Variants in GREB1 observed in about 807,000 individuals in gnomAD.
The protein encoded by GREB1 is growth regulating estrogen receptor binding 1, also known as protein GREB1.
A neutral mutation model predicts 200.7 loss-of-function variants in GREB1; 106 were observed. That is an observed-to-expected ratio of 0.53 (90% confidence interval 0.45 to 0.62). The LOEUF (loss-of-function observed/expected upper bound fraction) is 0.62. Among genes scored for constraint, GREB1 ranks in the 20% least tolerant of loss-of-function variants. The probability of loss-of-function intolerance (pLI) is 0.00; values close to 1 mark genes in which losing one functional copy is unlikely to be tolerated. For missense variants in GREB1, 2,243 were observed against 2,556.8 expected, an observed-to-expected ratio of 0.88 and a Z score of 2.65; for synonymous variants, 1,132 against 1,092.4, an observed-to-expected ratio of 1.04 and a Z score of -0.72.
At chr2:11,494,189 C>T (rs1672829742) in intron 1 of GREB1, among the ~76,000 whole-genome samples, 1 of 152,208 alleles carries the variant, frequency 6.6e-6, no homozygotes, top group Admixed American at 6.5e-5. Flanking sequence ...TGGACAGAGC[C>T]AGGGTGAGAA....
At chr2:11,559,838 C>T in intron 2 of GREB1, among the ~76,000 whole-genome samples, 1 of 152,316 alleles carries the variant, frequency 6.6e-6, no homozygotes, top group Non-Finnish European at 1.5e-5. Context: ...CCCCACCCCA[C>T]CTCTGGGTAA....
chr2:11,525,233 G>A (rs1031866924), intron 1 of GREB1, among the ~76,000 whole-genome samples: 1 of 152,148 alleles, frequency 6.6e-6, no homozygotes, highest in African/African-American at 2.4e-5. Flanking sequence ...GGCTGGGCAC[G>A]GTGGCTCACG....
At chr2:11,506,880 A>C (rs1293806300) in intron 1 of GREB1, among the ~76,000 whole-genome samples, 1 of 152,182 alleles carries the variant, frequency 6.6e-6, no homozygotes, top group African/African-American at 2.4e-5. Flanking sequence ...TGGATATCAC[A>C]CTTTGTTTTT....
At chr2:11,623,364 T>G (rs1174277466) in intron 23 of GREB1, among the ~76,000 whole-genome samples, 1 of 152,228 alleles carries the variant, frequency 6.6e-6, no homozygotes, top group African/African-American at 2.4e-5. Context: ...AGTATACACC[T>G]TCTACTTATT....
intron 4 of GREB1, among the ~76,000 whole-genome samples, chr2:11,571,349 T>G (rs1032568768): frequency 6.6e-6 from 1 of 152,204 alleles, no homozygotes; most frequent in African/African-American, 2.4e-5. Flanking sequence ...CCAGGATGTC[T>G]TCCTGGAATT....
intron 1 of GREB1, among the ~76,000 whole-genome samples, chr2:11,499,778 T>A (rs1672979713): frequency 6.6e-6 from 1 of 152,208 alleles, no homozygotes; most frequent in Admixed American, 6.5e-5. Context: ...TATGCACATT[T>A]TACAAAAAAG....
intron 18 of GREB1, among the ~76,000 whole-genome samples, chr2:11,611,394 C>T (rs1682912769): frequency 6.6e-6 from 1 of 152,184 alleles, no homozygotes; most frequent in African/African-American, 2.4e-5. Context: ...CTCACTGCAG[C>T]CTTGAGCTCC....
rs771805847 is a variant in GREB1, at chr2:11,593,146, G to A, written c.1696+20G>A. ...TCACCGGTGAGCTCTGGGCCGCGCG[G>A]CTGCGGGAAAGCCCCCTGAACGGTG... On this transcript the variant is annotated intron_variant, in intron 11 of 32. Transcript: ENST00000381486. 3.2e-5 allele frequency: 49 copies of A among 1,518,050 alleles called. No homozygotes were observed. The Admixed American group carries it at 8.4e-4, about 26-fold the overall frequency. The allele number at this position is 1,518,050 out of a possible 1,614,324, so 94.0% of individuals were successfully genotyped here.
chr2:11,579,201 G>A (rs774141628), intron 6 of GREB1, among the ~76,000 whole-genome samples: 17 of 152,196 alleles, frequency 1.1e-4, no homozygotes, highest in Non-Finnish European at 2.4e-4. Flanking sequence ...GGACTGGGAT[G>A]TACTCTCCTC....
intron 4 of GREB1, among the ~76,000 whole-genome samples, chr2:11,569,437 C>T (rs1271788343): frequency 2.0e-5 from 3 of 152,074 alleles, no homozygotes; most frequent in East Asian, 1.9e-4. Context: ...CCAGCAGAGA[C>T]GGTAAGGTGC....
At chr2:11,554,910 A>T (rs936011117) in intron 1 of GREB1, among the ~76,000 whole-genome samples, 5 of 152,198 alleles carry the variant, frequency 3.3e-5, no homozygotes, top group African/African-American at 1.2e-4. Context: ...AGCTGAAGTC[A>T]CCCCCCATTG....
At position 11,612,531 on chromosome 2, in the gene GREB1, C is replaced by A; in HGVS notation, c.3043C>A (p.Gln1015Lys). Reference sequence around the variant, plus strand: ...AATTGAGGATGTGGAGTGGAGACCCCAGACTTACTTGGAGCTGGAGGGTCT... The same window carrying A: ...AATTGAGGATGTGGAGTGGAGACCCAAGACTTACTTGGAGCTGGAGGGTCT... ...QKIEDVEWRP[Q>K]TYLELEGLPC... Residue 1015 changes from glutamine (Q) to lysine (K), a missense_variant, in exon 19 of 33, where the codon CAG (glutamine) becomes AAG (lysine). Transcript: ENST00000381486. 1.2e-6 allele frequency: 2 copies of A among 1,613,008 alleles called. No individual in the cohort carries two copies. Among genetic ancestry groups the A allele is most frequent in the Non-Finnish European group, 1.7e-6 (2 of 1,179,598 alleles).
intron 23 of GREB1, among the ~76,000 whole-genome samples, 152 bp from the exon 24 acceptor site, chr2:11,625,000 GGT>G (rs1222222695): frequency 6.6e-6 from 1 of 152,202 alleles, no homozygotes; most frequent in African/African-American, 2.4e-5. Flanking sequence ...GTGCCGTGTA[GGT>G]GTGTGTAAGT....
At chr2:11,632,315 T>TTTTC (rs1278509843) in intron 27 of GREB1, among the ~76,000 whole-genome samples, 2 of 151,904 alleles carry the variant, frequency 1.3e-5, no homozygotes, top group Non-Finnish European at 2.9e-5. Context: ...TTAATCGATA[T>TTTTC]TTTCTTTCTT....
upstream of GREB1, among the ~76,000 whole-genome samples, chr2:11,533,105 G>T (rs1005414839): frequency 6.6e-6 from 1 of 152,162 alleles, no homozygotes; most frequent in East Asian, 1.9e-4. Context: ...GAGAGAGACT[G>T]ATCAACATGA....
chr2:11,499,557 C>T (rs887253738), intron 1 of GREB1, among the ~76,000 whole-genome samples: 6 of 152,252 alleles, frequency 3.9e-5, no homozygotes, highest in African/African-American at 9.6e-5. Context: ...TAGCTACTTA[C>T]ATCAGTCTCT....
intron 4 of GREB1, among the ~76,000 whole-genome samples, chr2:11,571,511 C>T (rs1410249861): frequency 1.3e-5 from 2 of 152,210 alleles, no homozygotes; most frequent in Admixed American, 6.5e-5. Flanking sequence ...CGGTACCTGA[C>T]TGCGGTTTTG....
chr2:11,547,818 G>A (rs1282163150), intron 1 of GREB1, among the ~76,000 whole-genome samples: 1 of 151,852 alleles, frequency 6.6e-6, no homozygotes, highest in Non-Finnish European at 1.5e-5. Context: ...TTTGTGTCTA[G>A]GCCATCTTTT....
chr2:11,559,445 A>G (rs949688264), intron 2 of GREB1, among the ~76,000 whole-genome samples: 1 of 152,188 alleles, frequency 6.6e-6, no homozygotes, highest in African/African-American at 2.4e-5. Context: ...TTTGAGGCTT[A>G]CGACCCTTTT....
Sources: gnomAD v4.1 joint callset for allele counts (sites outside exome capture counted in the v4.1 genomes callset) on GRCh38, gnomAD v4.1.1 for gene constraint, MANE v1.5 for transcripts, NCBI Gene and HGNC (gene_info 2026-07-23, HGNC 2026-07-21) for gene names.